The following C12orf42 variants were observed in gnomAD, a reference collection of about 807,000 sequenced individuals.
C12orf42 encodes the protein uncharacterized protein C12orf42.
Under a neutral mutation model 21.6 loss-of-function variants are expected in C12orf42, and 25 were observed. The observed-to-expected ratio is 1.16, with a 90% confidence interval of 0.84 to 1.62. C12orf42 has a LOEUF of 1.62. Among genes scored for constraint, C12orf42 ranks in the 40% most tolerant of loss-of-function variants. The pLI is 0.00. For missense variants in C12orf42, 483 were observed against 459.3 expected, an observed-to-expected ratio of 1.05 and a Z score of -0.47; for synonymous variants, 174 against 175.0, an observed-to-expected ratio of 0.99 and a Z score of 0.05.
intron 5 of C12orf42, among the ~76,000 whole-genome samples, chr12:103,304,771 G>C (rs541398597): frequency 1.3e-5 from 2 of 152,274 alleles, no homozygotes; most frequent in South Asian, 4.2e-4. Context: ...CCCATCACCA[G>C]GCTCAGCCTC....
chr12:103,302,182 G>T lies in C12orf42; in HGVS notation c.1009C>A (p.Arg337Ser), dbSNP rs185386009. Residue 337 changes from arginine to serine, a missense_variant, in exon 6 of 6, where the codon CGC becomes AGC. Coordinates refer to ENST00000548883, the MANE Select transcript of C12orf42 (RefSeq NM_198521.5). ...ACCGTATGGAAACGCCGGGTTGGGCGGGGGGGTGCTGAGGAGCAAACCTTT... is the reference window on the plus strand; with the variant it reads ...ACCGTATGGAAACGCCGGGTTGGGCTGGGGGGTGCTGAGGAGCAAACCTTT... ...LIKVCSSAPP[R>S]PTRRFHTVCS... 5 of 1,609,492 alleles carry T rather than the reference G, an allele frequency of 3.1e-6. No individual in the cohort carries two copies. The Admixed American group carries it at 5.0e-5, about 16-fold the overall frequency.
At chr12:103,057,226 C>T in the C12orf42 span, among the ~76,000 whole-genome samples, 4 of 150,296 alleles carry the variant, frequency 2.7e-5, no homozygotes, top group Non-Finnish European at 5.9e-5. Flanking sequence ...GATACATGTG[C>T]AGAATGTGCA....
chr12:103,197,985 G>T, the C12orf42 span, among the ~76,000 whole-genome samples: 1 of 152,158 alleles, frequency 6.6e-6, no homozygotes, highest in Non-Finnish European at 1.5e-5. Context: ...TCCAATGGGG[G>T]AGGGGGTCCC....
chr12:103,336,845 GT>G (rs1260731137), intron 4 of C12orf42, among the ~76,000 whole-genome samples: 1 of 152,092 alleles, frequency 6.6e-6, no homozygotes, highest in Non-Finnish European at 1.5e-5. Context: ...TTAGAAATGA[GT>G]TTCCTTTTGC....
At chr12:103,232,642 C>G (rs543653172), downstream of C12orf42, among the ~76,000 whole-genome samples, 1 of 142,054 alleles carries the variant, frequency 7.0e-6, no homozygotes. Context: ...AGCCGGGAGG[C>G]AGAGCTTGAA....
chr12:103,222,801 G>A, the C12orf42 span, among the ~76,000 whole-genome samples: 1 of 150,842 alleles, frequency 6.6e-6, no homozygotes, highest in Non-Finnish European at 1.5e-5. Flanking sequence ...CTGTCCCCAC[G>A]CAGATGTCCC....
chr12:103,448,758 T>A (rs1951738829), intron 2 of C12orf42, among the ~76,000 whole-genome samples: 3 of 151,668 alleles, frequency 2.0e-5, no homozygotes, highest in African/African-American at 7.3e-5. Flanking sequence ...CCTGCATGAA[T>A]GGCCATAATG....
intron 2 of C12orf42, among the ~76,000 whole-genome samples, chr12:103,412,364 C>T (rs2048919967): frequency 6.6e-6 from 1 of 152,096 alleles, no homozygotes; most frequent in Non-Finnish European, 1.5e-5. Context: ...ATCAGGTAAA[C>T]TGGAATAAAA....
At chr12:103,405,002 A>G (rs144212597) in intron 2 of C12orf42, among the ~76,000 whole-genome samples, 51 of 152,352 alleles carry the variant, frequency 3.3e-4, no homozygotes, top group Non-Finnish European at 4.4e-4. Context: ...GGAAGGCCAC[A>G]ATATCTCAGT....
At chr12:103,546,586 A>G in the C12orf42 span, among the ~76,000 whole-genome samples, 1 of 152,228 alleles carries the variant, frequency 6.6e-6, no homozygotes, top group East Asian at 1.9e-4. Context: ...GAGAAGTTAC[A>G]AAAAGGGTCA....
the C12orf42 span, among the ~76,000 whole-genome samples, chr12:103,068,485 A>G: frequency 2.6e-5 from 4 of 152,118 alleles, no homozygotes; most frequent in African/African-American, 7.2e-5. Context: ...TGGACTTGTG[A>G]TGGTTAATAC....
At chr12:103,150,155 A>G in the C12orf42 span, among the ~76,000 whole-genome samples, 2 of 152,226 alleles carry the variant, frequency 1.3e-5, no homozygotes, top group Non-Finnish European at 2.9e-5. Context: ...AAGTTAATAA[A>G]TCTCTGTCAC....
the C12orf42 span, among the ~76,000 whole-genome samples, chr12:103,124,605 C>T: frequency 4.2e-4 from 64 of 152,202 alleles, no homozygotes; most frequent in East Asian, 0.011. Context: ...GCGGTGGTAG[C>T]AGGCTGCCTG....
At chr12:103,254,900 G>A (rs1215866400) in intron 10 of C12orf42, among the ~76,000 whole-genome samples, 1 of 152,072 alleles carries the variant, frequency 6.6e-6, no homozygotes, top group Non-Finnish European at 1.5e-5. Flanking sequence ...CATCCTGCAC[G>A]AGTACCCCAT....
At chr12:103,450,673 G>A (rs1054349192) in intron 2 of C12orf42, among the ~76,000 whole-genome samples, 15 of 152,062 alleles carry the variant, frequency 9.9e-5, no homozygotes, top group Admixed American at 4.6e-4. Context: ...TTACTCTCCA[G>A]GAGTGGCTCC....
intron 3 of C12orf42, among the ~76,000 whole-genome samples, chr12:103,373,935 T>C (rs1394890636): frequency 6.6e-6 from 1 of 152,236 alleles, no homozygotes; most frequent in Non-Finnish European, 1.5e-5. Flanking sequence ...ATTATCAATT[T>C]GATATGGTAT....
At chr12:103,446,035 A>G (rs1951555735) in intron 2 of C12orf42, among the ~76,000 whole-genome samples, 2 of 152,030 alleles carry the variant, frequency 1.3e-5, no homozygotes, top group Non-Finnish European at 1.5e-5. Flanking sequence ...ACTAATAACA[A>G]TAACAATAGC....
At chr12:103,057,498 G>A in the C12orf42 span, among the ~76,000 whole-genome samples, 54 of 152,030 alleles carry the variant, frequency 3.6e-4, no homozygotes, top group East Asian at 3.9e-3. Flanking sequence ...GATGGCTTCC[G>A]GCTTCATCCA....
chr12:103,506,333 A>C, the C12orf42 span, among the ~76,000 whole-genome samples: 1 of 99,092 alleles, frequency 1.0e-5, no homozygotes, highest in South Asian at 4.3e-4. Context: ...AAAACAAAAC[A>C]AAAAAAAAAC....
Sources: allele counts gnomAD v4.1 joint callset (sites outside exome capture counted in the v4.1 genomes callset), GRCh38; gene constraint gnomAD v4.1.1; transcripts MANE v1.5; gene names NCBI Gene and HGNC (gene_info 2026-07-23, HGNC 2026-07-21).